The following WDR46 variants were observed in gnomAD, a reference collection of about 807,000 sequenced individuals.
The protein encoded by WDR46 is WD repeat-containing protein 46.
A neutral mutation model predicts 74.7 loss-of-function variants in WDR46; 58 were observed. That is an observed-to-expected ratio of 0.78 (90% CI 0.63 to 0.97). WDR46 has a LOEUF of 0.97. Ranked by LOEUF, WDR46 falls within the 50% of genes least tolerant of loss-of-function variation. The probability of loss-of-function intolerance (pLI) is 0.00; values close to 1 mark genes in which losing one functional copy is unlikely to be tolerated. For missense variants in WDR46, 702 were observed against 790.1 expected, an observed-to-expected ratio of 0.89 and a Z score of 1.34; for synonymous variants, 278 against 297.3, an observed-to-expected ratio of 0.93 and a Z score of 0.67.
rs1766971012 is a variant in WDR46, at chr6:33,288,816, GCGCTGGGACTC to G, written c.256_266del (p.Glu86ArgfsTer27). On this transcript the variant is annotated frameshift_variant, in exon 2 of 15. Transcript: ENST00000374617. LOFTEE classifies it high-confidence loss of function. ...GTCCCACGCTCACCCCGGACAAGCCGCGCTGGGACTCCGGGTTCTTCCATTCTCGGGGTTTC... is the reference window on the plus strand; with the variant it reads ...GTCCCACGCTCACCCCGGACAAGCCGCGGGTTCTTCCATTCTCGGGGTTTC... 6.2e-7 allele frequency: 1 copy of G among 1,614,000 alleles called. No individual in the cohort carries two copies. Among genetic ancestry groups the G allele is most frequent in the Non-Finnish European group, 8.5e-7 (1 of 1,180,012 alleles).
chr6:33,279,158 G>T lies in WDR46; in HGVS notation c.*118C>A. ...TACCAACCCACCCCAGGAGACAGCT[G>T]TCCACCCCCAGTTGGGGAAGGGGCC... On this transcript the variant is annotated 3_prime_UTR_variant, in exon 15 of 15. Transcript: ENST00000374617. The T allele has an allele frequency of 1.4e-6, 2 of 1,417,406 alleles. No homozygotes were observed. The highest frequency in any genetic ancestry group is 1.9e-6 in the Non-Finnish European group (2 of 1,033,234). The allele number at this position is 1,417,406 out of a possible 1,614,324, so 87.8% of individuals were successfully genotyped here.
intron 3 of WDR46, 59 bp downstream of exon 3, chr6:33,288,555 C>G: frequency 6.2e-7 from 1 of 1,609,570 alleles, no homozygotes; most frequent in South Asian, 1.1e-5. Flanking sequence ...CAGCCTCCAT[C>G]CAACTCACCC....
In WDR46 at chr6:33,288,919, G is replaced by A. The variant is rs139978819; in HGVS notation, c.164C>T (p.Pro55Leu). The A allele has an allele frequency of 6.8e-6, 11 of 1,614,066 alleles. No individual in the cohort carries two copies. The highest frequency in any genetic ancestry group is 9.3e-6 in the Non-Finnish European group (11 of 1,180,012). Residue 55 changes from proline (P) to leucine (L), a missense_variant, in exon 2 of 15, where the codon CCT (proline) becomes CTT (leucine). Pro to Leu is a moderately conservative substitution (Grantham distance 98, BLOSUM62 -3). Coordinates refer to ENST00000374617, the MANE Select transcript of WDR46 (RefSeq NM_005452.6). The part of the protein sequence containing the change: ...PRNKKNRELR[P>L]QRPKNAYILK... ...GATGTAAGCATTTTTTGGTCTCTGA[G>A]GACGGAGCTCCCGATTCTTCTTGTT... is the stretch of plus-strand genomic sequence containing the variant.
At chr6:33,288,279 A>G in intron 4 of WDR46, 44 bp from the exon 5 acceptor site, 1 of 1,614,034 alleles carries the variant, frequency 6.2e-7, no homozygotes, top group South Asian at 1.1e-5. Context: ...CCCAATATGA[A>G]GCAAGTATAC....
intron 12 of WDR46, 100 bp from the exon 13 acceptor site, chr6:33,279,959 C>G (rs1007152830): frequency 8.8e-7 from 1 of 1,139,054 alleles, no homozygotes; most frequent in Non-Finnish European, 1.2e-6. Flanking sequence ...TACCCAAGAC[C>G]CCCAGCATGA....
chr6:33,285,557 CTT>C (rs1451069734), intron 10 of WDR46, among the ~76,000 whole-genome samples: 3 of 152,076 alleles, frequency 2.0e-5, no homozygotes, highest in Admixed American at 1.3e-4. Context: ...GAGTTTTGCT[CTT>C]GTTGCCCAGG....
At chr6:33,279,654 CAG>C in intron 13 of WDR46, 44 bp from the exon 14 acceptor site, 2 of 1,613,318 alleles carry the variant, frequency 1.2e-6, no homozygotes, top group Non-Finnish European at 1.7e-6. Flanking sequence ...GCCTCGGAGT[CAG>C]GGAACTGGCA....
rs775797261 is a variant in WDR46, at chr6:33,287,494, G to T, written c.740C>A (p.Ser247Tyr). ...EAVRDIRFLH[S>Y]EALLAVAQNR... ...CTGAGCAACAGCAAGCAGTGCCTCA[G>T]AATGGAGAAACCTGGGGGAGAGGAA... Residue 247 changes from serine (S) to tyrosine (Y), a missense_variant, in exon 8 of 15, where the codon TCT becomes TAT. Physicochemically the swap from Ser to Tyr is moderately radical, Grantham distance 144 (BLOSUM62 -2). Transcript: ENST00000374617. The T allele has an allele frequency of 1.2e-6, 2 of 1,613,388 alleles. No individual in the cohort carries two copies. Among genetic ancestry groups the T allele is most frequent in the Non-Finnish European group, 1.7e-6 (2 of 1,179,936 alleles).
Position 33,288,624 on chromosome 6 carries a change from T to C in WDR46, c.350A>G (p.Lys117Arg), listed in dbSNP as rs150167790. The change falls in exon 3 of 15, where the codon AAA (lysine) becomes AGA (arginine). Residue 117 changes from lysine (K) to arginine (R), a missense_variant. Transcript: ENST00000374617. ...EVVQKFCRID[K>R]SRKLPHSKAK... Reference sequence around the variant, plus strand: ...CCGGCTGGACCTCACCTTTCGGGATTTGTCAATGCGACAGAACTTCTGGAC... The same window carrying C: ...CCGGCTGGACCTCACCTTTCGGGATCTGTCAATGCGACAGAACTTCTGGAC... 2.9e-5 allele frequency: 46 copies of C among 1,612,364 alleles called. No individual in the cohort carries two copies. Among genetic ancestry groups the C allele is most frequent in the Non-Finnish European group, 3.6e-5 (43 of 1,179,482 alleles).
At position 33,288,134 on chromosome 6, in the gene WDR46, C is replaced by T; in HGVS notation, c.561+14G>A. On this transcript the variant is annotated intron_variant, in intron 5 of 14. Transcript: ENST00000374617. The stretch of plus-strand genomic sequence containing the variant: ...CCAATCAATCCCTTGGCTCCTTTAC[C>T]TCCTCAGGCTCACCTTGGCTGCACT... 6.2e-7 allele frequency: 1 copy of T among 1,614,196 alleles called. No homozygotes were observed. The highest frequency in any genetic ancestry group is 1.1e-5 in the South Asian group (1 of 91,082).
intron 4 of WDR46, 31 bp downstream of exon 4, chr6:33,288,327 G>A (rs781585885): frequency 1.5e-5 from 25 of 1,613,592 alleles, no homozygotes; most frequent in Non-Finnish European, 2.1e-5. Flanking sequence ...CAAAAGGCAG[G>A]GAATGGGGGT....
chr6:33,289,140 C>A lies in WDR46; in HGVS notation c.31G>T (p.Val11Phe), dbSNP rs575506040. The A allele has an allele frequency of 2.8e-5, 45 of 1,613,338 alleles. No individual in the cohort carries two copies. In the East Asian group the frequency reaches 9.1e-4, roughly 33 times the overall value. Residue 11 changes from valine (V) to phenylalanine (F), a missense_variant, in exon 1 of 15, where the codon GTC becomes TTC. Transcript: ENST00000374617. METAPKPGKD[V>F]PPKKDKLQTK... ...TGAAGTTTGTCTTTCTTGGGCGGGA[C>A]ATCCTTGCCCGGCTTGGGGGCTGTC... is the stretch of plus-strand genomic sequence containing the variant.
At chr6:33,287,029 G>C (rs547526632) in intron 9 of WDR46, 62 bp downstream of exon 9, 1 of 1,594,248 alleles carries the variant, frequency 6.3e-7, no homozygotes, top group East Asian at 2.2e-5. Context: ...GACTCATGAA[G>C]TACAAATATA....
chr6:33,285,878 C>T (rs1339804462), intron 10 of WDR46, among the ~76,000 whole-genome samples: 2 of 151,176 alleles, frequency 1.3e-5, no homozygotes, highest in Admixed American at 6.6e-5. Flanking sequence ...CAGTGGCTCA[C>T]GCCTGTAATC....
In WDR46 at chr6:33,288,942, G is replaced by C; in HGVS notation, c.141C>G (p.Asn47Lys). 6.2e-7 allele frequency: 1 copy of C among 1,614,098 alleles called. No homozygotes were observed. Among genetic ancestry groups the C allele is most frequent in the Non-Finnish European group, 8.5e-7 (1 of 1,180,030 alleles). ...TAGASPGPPR[N>K]KKNRELRPQR... The stretch of plus-strand genomic sequence containing the variant: ...GAGGACGGAGCTCCCGATTCTTCTT[G>C]TTACGAGGAGGCCCTGGAGAGGCTC... Residue 47 changes from asparagine (N) to lysine (K), a missense_variant, in exon 2 of 15, where the codon AAC (asparagine) becomes AAG (lysine). Asn to Lys is a moderately conservative substitution (Grantham distance 94, BLOSUM62 0). Coordinates refer to ENST00000374617, the MANE Select transcript of WDR46 (RefSeq NM_005452.6).
chr6:33,279,718 T>G, intron 13 of WDR46, 46 bp downstream of exon 13: 2 of 1,612,104 alleles, frequency 1.2e-6, no homozygotes. Context: ...GGGGAGAGGA[T>G]GTGGGGGAGA....
Position 33,279,139 on chromosome 6 carries a change from C to T in WDR46, c.*137G>A. 7.9e-7 allele frequency: 1 copy of T among 1,267,058 alleles called. No individual in the cohort carries two copies. Among genetic ancestry groups the T allele is most frequent in the Non-Finnish European group, 1.1e-6 (1 of 910,762 alleles). 78.5% of individuals were successfully genotyped at this position (1,267,058 alleles called of 1,614,324 possible). A position where few individuals can be genotyped will look rare whatever the true frequency, so the allele number is the denominator to read the frequency against. The stretch of plus-strand genomic sequence containing the variant: ...AAATCGCTTTCCTCTTTAATACCAA[C>T]CCACCCCAGGAGACAGCTGTCCACC... On this transcript the variant is annotated 3_prime_UTR_variant, in exon 15 of 15. Coordinates refer to ENST00000374617, the MANE Select transcript of WDR46 (RefSeq NM_005452.6).
Position 33,288,007 on chromosome 6 carries a change from C to G in WDR46, c.581G>C (p.Arg194Pro). 1 of 1,614,046 alleles carries G rather than the reference C, an allele frequency of 6.2e-7. No homozygotes were observed. Among genetic ancestry groups the G allele is most frequent in the Non-Finnish European group, 8.5e-7 (1 of 1,179,998 alleles). Reference sequence around the variant, plus strand: ...GTTTAGTCTGTAGGGTCCAAACTGCCGCAGATTCAAGTCAAAGTGCTGGGA... The same window carrying G: ...GTTTAGTCTGTAGGGTCCAAACTGCGGCAGATTCAAGTCAAAGTGCTGGGA... ...SAAKHFDLNL[R>P]QFGPYRLNYS... is the part of the protein sequence containing the mutation. The change falls in exon 6 of 15, where the codon CGG (arginine) becomes CCG (proline). Residue 194 changes from arginine to proline, a missense_variant. Transcript: ENST00000374617.
rs564007476 is a variant in WDR46 at position 33,289,178 on chromosome 6, A to G, written c.-8T>C. 4 of 1,604,688 alleles carry G rather than the reference A, an allele frequency of 2.5e-6. No individual in the cohort carries two copies. In the South Asian group the frequency reaches 4.4e-5, roughly 18 times the overall value. On this transcript the variant is annotated 5_prime_UTR_variant, in exon 1 of 15. Transcript: ENST00000374617. ...CTTGGGGGCTGTCTCCATCTCGCCC[A>G]CCCGAACGGCGATCCACGTGCAAAA... is the stretch of plus-strand genomic sequence containing the variant.
Sources: allele counts gnomAD v4.1 joint callset (sites outside exome capture counted in the v4.1 genomes callset), GRCh38; gene constraint gnomAD v4.1.1; transcripts MANE v1.5; gene names NCBI Gene and HGNC (gene_info 2026-07-23, HGNC 2026-07-21).